The following PREX2 variants were observed in gnomAD, a reference collection of about 807,000 sequenced individuals.
PREX2 encodes phosphatidylinositol-3,4,5-trisphosphate dependent Rac exchange factor 2, also known as phosphatidylinositol 3,4,5-trisphosphate-dependent Rac exchanger 2 protein.
PREX2 carries 107 observed loss-of-function variants against 203.2 expected under a neutral mutation model. The observed-to-expected ratio is 0.53, with a 90% confidence interval of 0.45 to 0.62. The LOEUF (loss-of-function observed/expected upper bound fraction) is 0.62. Ranked by LOEUF, PREX2 falls within the 20% of genes least tolerant of loss-of-function variation. The pLI is 0.00. For synonymous variants in PREX2, 672 were observed against 663.6 expected (o/e 1.01, Z -0.19); for missense variants, 1,777 against 1,955.9 (o/e 0.91, Z 1.72).
intron 1 of PREX2, among the ~76,000 whole-genome samples, chr8:67,976,139 C>T (rs1485039897): frequency 6.6e-6 from 1 of 152,072 alleles, no homozygotes; most frequent in Non-Finnish European, 1.5e-5. Flanking sequence ...TGAACCAAAC[C>T]CCCAGCAGCA....
chr8:68,119,783 TG>T (rs573000887), intron 28 of PREX2, among the ~76,000 whole-genome samples: 225 of 152,196 alleles, frequency 1.5e-3, no homozygotes, highest in Non-Finnish European at 2.6e-3. Flanking sequence ...TATTTTTTTT[TG>T]TTTTTTTGTT....
intron 1 of PREX2, among the ~76,000 whole-genome samples, chr8:68,016,279 A>G (rs1214361432): frequency 6.6e-6 from 1 of 152,106 alleles, no homozygotes; most frequent in Non-Finnish European, 1.5e-5. Flanking sequence ...GTATATCTGT[A>G]TATATTCTTA....
intron 9 of PREX2, 43 bp downstream of exon 9, chr8:68,053,289 T>C: frequency 8.8e-6 from 14 of 1,592,606 alleles, no homozygotes; most frequent in Non-Finnish European, 1.2e-5. Flanking sequence ...GTGAAGACTC[T>C]AACTTAGCAT....
At chr8:68,195,258 A>G (rs1472373035) in intron 37 of PREX2, among the ~76,000 whole-genome samples, 2 of 152,234 alleles carry the variant, frequency 1.3e-5, no homozygotes, top group South Asian at 4.1e-4. Context: ...TGCATTGATT[A>G]GTGTGTTAGA....
intron 1 of PREX2, among the ~76,000 whole-genome samples, chr8:68,002,940 A>T (rs1806985063): frequency 1.3e-5 from 2 of 152,048 alleles, no homozygotes; most frequent in South Asian, 4.1e-4. Context: ...TGTTTGAGGA[A>T]CTCATATTTC....
chr8:68,046,221 A>G (rs1343404100), intron 8 of PREX2, among the ~76,000 whole-genome samples: 1 of 151,426 alleles, frequency 6.6e-6, no homozygotes, highest in African/African-American at 2.4e-5. Context: ...TTCTCCCTTT[A>G]CTCCCCGTGA....
Position 68,021,919 on chromosome 8 carries a change from C to T in PREX2, c.337-117C>T. The T allele has an allele frequency of 6.5e-6, 4 of 615,412 alleles. No homozygotes were observed. The South Asian group carries it at 7.7e-5, about 12-fold the overall frequency. The allele number at this position is 615,412 out of a possible 1,614,324, so 38.1% of individuals were successfully genotyped here. On this transcript the variant is annotated intron_variant, in intron 3 of 39. Transcript: ENST00000288368. ...AAATTTATATATAGCTGTATACACGCAGTATAGCTCTTAAAACGTAGTAAA... is the reference window on the plus strand; with the variant it reads ...AAATTTATATATAGCTGTATACACGTAGTATAGCTCTTAAAACGTAGTAAA...
At chr8:68,149,850 T>C (rs531154139) in intron 34 of PREX2, among the ~76,000 whole-genome samples, 2 of 152,346 alleles carry the variant, frequency 1.3e-5, no homozygotes, top group African/African-American at 4.8e-5. Context: ...TCTAGGTCTG[T>C]GTGGATTATG....
At chr8:67,970,106 C>T (rs1805884669) in intron 1 of PREX2, among the ~76,000 whole-genome samples, 1 of 152,126 alleles carries the variant, frequency 6.6e-6, no homozygotes, top group Non-Finnish European at 1.5e-5. Context: ...TCAGCTATCT[C>T]CATTTTGGGA....
At chr8:68,068,972 G>A (rs1809102966) in intron 11 of PREX2, 61 bp from the exon 12 acceptor site, 1 of 626,386 alleles carries the variant, frequency 1.6e-6, no homozygotes, top group Non-Finnish European at 2.6e-6. Flanking sequence ...AAATTTATTT[G>A]CTGTTTATCT....
chr8:68,179,944 C>T (rs1260897408), intron 35 of PREX2, among the ~76,000 whole-genome samples: 2 of 152,138 alleles, frequency 1.3e-5, no homozygotes, highest in Non-Finnish European at 2.9e-5. Context: ...CATTTACCTC[C>T]TCACTGCTGG....
At chr8:68,085,669 G>C (rs1809663314) in intron 18 of PREX2, among the ~76,000 whole-genome samples, 1 of 152,164 alleles carries the variant, frequency 6.6e-6, no homozygotes, top group African/African-American at 2.4e-5. Context: ...GGAATATAAT[G>C]TTCTCACCAG....
chr8:68,220,895 C>T (rs890858502), intron 38 of PREX2, among the ~76,000 whole-genome samples: 4 of 152,064 alleles, frequency 2.6e-5, no homozygotes, highest in East Asian at 1.9e-4. Context: ...TTAAGGGGTA[C>T]GTGTGCAGGT....
intron 1 of PREX2, among the ~76,000 whole-genome samples, chr8:67,989,454 T>C (rs1308426429): frequency 6.6e-6 from 1 of 152,198 alleles, no homozygotes; most frequent in African/African-American, 2.4e-5. Flanking sequence ...TTCTCAACAT[T>C]GAATGAATGA....
chr8:68,185,419 A>C (rs150478021), intron 35 of PREX2, among the ~76,000 whole-genome samples: 37 of 152,268 alleles, frequency 2.4e-4, no homozygotes, highest in African/African-American at 7.9e-4. Context: ...CTTCCACTTG[A>C]AATACAGCTT....
At chr8:67,980,179 A>C (rs2129609155) in intron 1 of PREX2, among the ~76,000 whole-genome samples, 1 of 152,336 alleles carries the variant, frequency 6.6e-6, no homozygotes, top group South Asian at 2.1e-4. Flanking sequence ...ATCAGTGGCA[A>C]GTTCCCTTTG....
At chr8:68,175,956 A>C (rs1196650510) in intron 35 of PREX2, among the ~76,000 whole-genome samples, 1 of 152,138 alleles carries the variant, frequency 6.6e-6, no homozygotes, top group Non-Finnish European at 1.5e-5. Flanking sequence ...TCAGTCAAGC[A>C]GAATTGAAAG....
intron 1 of PREX2, among the ~76,000 whole-genome samples, chr8:67,955,147 C>CAA (rs1183491822): frequency 1.7e-3 from 88 of 51,720 alleles, no homozygotes; most frequent in African/African-American, 2.3e-3. Context: ...GACTCCATCT[C>CAA]AAAAAAAAAA....
intron 18 of PREX2, among the ~76,000 whole-genome samples, chr8:68,084,034 A>G (rs762042902): frequency 6.6e-6 from 1 of 152,192 alleles, no homozygotes; most frequent in Non-Finnish European, 1.5e-5. Flanking sequence ...ATTGGTACAC[A>G]TATACACAAT....
Sources: allele counts gnomAD v4.1 joint callset (sites outside exome capture counted in the v4.1 genomes callset), GRCh38; gene constraint gnomAD v4.1.1; transcripts MANE v1.5; gene names NCBI Gene and HGNC (gene_info 2026-07-23, HGNC 2026-07-21).